WDR59: variants seen among roughly 807,000 people sequenced by gnomAD.
WDR59 encodes the protein GATOR2 complex protein WDR59.
In WDR59, 100 loss-of-function variants were observed where a neutral mutation model predicts 131.2. The observed-to-expected ratio is 0.76, with a 90% CI of 0.65 to 0.90. WDR59 has a LOEUF of 0.90. WDR59 is among the 40% of genes least tolerant of loss of function. The probability of loss-of-function intolerance (pLI) is 0.00; values close to 1 mark genes in which losing one functional copy is unlikely to be tolerated. For missense variants in WDR59, 1,203 were observed against 1,262.2 expected, an observed-to-expected ratio of 0.95 and a Z score of 0.71; for synonymous variants, 601 against 466.2, an observed-to-expected ratio of 1.29 and a Z score of -3.72.
rs192985120 is a variant in WDR59 at position 74,956,641 on chromosome 16, T to C, written c.105-31A>G. ...GACCAACATCAACATTATAATAGTA[T>C]AAAAACACAACATCATTAGCATTAA... On this transcript the variant is annotated intron_variant, in intron 2 of 25. Transcript: ENST00000262144. The C allele has an allele frequency of 1.5e-4, 241 of 1,602,910 alleles. 1 individual carries two copies. The African/African-American group carries it at 2.8e-3, about 19-fold the overall frequency.
intron 6 of WDR59, among the ~76,000 whole-genome samples, chr16:74,943,198 C>T (rs566834535): frequency 2.0e-5 from 3 of 151,566 alleles, no homozygotes; most frequent in Non-Finnish European, 2.9e-5. Flanking sequence ...GACACCTGCT[C>T]GCACTCCTAA....
intron 6 of WDR59, 121 bp downstream of exon 6, chr16:74,948,398 C>G (rs2032782363): frequency 2.1e-6 from 2 of 966,068 alleles, no homozygotes; most frequent in African/African-American, 3.3e-5. Context: ...ACGGCGCAGC[C>G]CAGACAGAGG....
At chr16:74,955,776 A>C (rs1458896848) in intron 3 of WDR59, among the ~76,000 whole-genome samples, 2 of 152,104 alleles carry the variant, frequency 1.3e-5, no homozygotes, top group African/African-American at 4.8e-5. Context: ...ATTCCTTTAA[A>C]TACTCTCCTG....
chr16:74,880,984 A>T (rs1348472570), intron 25 of WDR59, among the ~76,000 whole-genome samples: 4 of 152,274 alleles, frequency 2.6e-5, no homozygotes, highest in Non-Finnish European at 4.4e-5. Context: ...AACGAAATTT[A>T]GGTGAGCAGA....
chr16:74,966,567 C>T (rs2033785319), intron 1 of WDR59, among the ~76,000 whole-genome samples: 1 of 152,148 alleles, frequency 6.6e-6, no homozygotes, highest in African/African-American at 2.4e-5. Context: ...ACAGCAGCTA[C>T]TATGAACAAA....
rs1036380291 is a variant in WDR59, at chr16:74,957,041, T to C, written c.105-431A>G. On this transcript the variant is annotated intron_variant, in intron 2 of 25. Transcript: ENST00000262144. ...AGGCTCTTGTCCTGAATCAACTAAG[T>C]GTTCAGAGAATGAACTATGTCTTGA... 3.9e-5 allele frequency among the ~76,000 whole-genome samples: 6 copies of C among 152,290 alleles called. No homozygotes were observed. The South Asian group carries it at 1.0e-3, about 26-fold the overall frequency.
chr16:74,936,488 G>A (rs1262138233), intron 8 of WDR59, among the ~76,000 whole-genome samples: 1 of 151,994 alleles, frequency 6.6e-6, no homozygotes, highest in East Asian at 1.9e-4. Context: ...GATGGCTTCT[G>A]GTTCCTGAAC....
intron 10 of WDR59, among the ~76,000 whole-genome samples, chr16:74,918,703 T>C (rs1438522956): frequency 6.6e-6 from 1 of 152,234 alleles, no homozygotes; most frequent in Non-Finnish European, 1.5e-5. Context: ...ATGCAGTATC[T>C]AGAATCTCCT....
intron 7 of WDR59, among the ~76,000 whole-genome samples, chr16:74,940,392 A>C (rs1474406129): frequency 6.6e-6 from 1 of 151,730 alleles, no homozygotes; most frequent in Non-Finnish European, 1.5e-5. Context: ...AAAAAAAAAA[A>C]ACAACAACAA....
At chr16:74,984,005 G>A (rs2034526587) in intron 1 of WDR59, among the ~76,000 whole-genome samples, 1 of 151,850 alleles carries the variant, frequency 6.6e-6, no homozygotes. Flanking sequence ...GGCCAGGCAC[G>A]GTGGCCCACG....
chr16:74,981,299 C>G (rs956289109), intron 1 of WDR59, among the ~76,000 whole-genome samples: 12 of 150,988 alleles, frequency 7.9e-5, no homozygotes, highest in Middle Eastern at 6.8e-3. Flanking sequence ...TGCCGTGAAC[C>G]TGGGAGGCAG....
intron 1 of WDR59, among the ~76,000 whole-genome samples, chr16:74,979,430 C>T (rs2034312059): frequency 6.6e-6 from 1 of 151,146 alleles, no homozygotes; most frequent in South Asian, 2.1e-4. Context: ...CGAGCCACTG[C>T]ACTCCAGCCT....
rs759893079 is a variant in WDR59 at position 74,942,817 on chromosome 16, G to A, written c.455C>T (p.Ser152Phe). The change falls in exon 7 of 26, where the codon TCC (serine) becomes TTC (phenylalanine). Residue 152 changes from serine to phenylalanine, a missense_variant. Coordinates refer to ENST00000262144, the MANE Select transcript of WDR59 (RefSeq NM_030581.4). ...ATTTTTTTTATTCCATTTGACCTGG[G>A]AGGCACCCGCTGCAAAGAAAAATCA... ...TVALSAVAGASQVKWNKKNAN... is the reference protein window; with the variant it reads ...TVALSAVAGAFQVKWNKKNAN... 7.5e-5 allele frequency: 121 copies of A among 1,613,324 alleles called. No individual in the cohort carries two copies. The highest frequency in any genetic ancestry group is 1.0e-4 in the Non-Finnish European group (118 of 1,179,784).
chr16:74,910,906 C>G (rs1011265391), intron 14 of WDR59, among the ~76,000 whole-genome samples: 1 of 152,166 alleles, frequency 6.6e-6, no homozygotes, highest in Non-Finnish European at 1.5e-5. Context: ...CTCTGTTGCC[C>G]AGACTGGAGT....
At chr16:74,970,497 A>AG in intron 1 of WDR59, among the ~76,000 whole-genome samples, 1 of 28,442 alleles carries the variant, frequency 3.5e-5, no homozygotes, top group East Asian at 3.6e-3. Flanking sequence ...TCTGTCTCCA[A>AG]AAAAAAAAAA....
intron 1 of WDR59, among the ~76,000 whole-genome samples, chr16:74,966,224 A>C (rs898657499): frequency 2.6e-5 from 4 of 152,142 alleles, no homozygotes; most frequent in Non-Finnish European, 4.4e-5. Flanking sequence ...TCACACCTGT[A>C]ATCCCAGCAC....
At chr16:74,960,701 T>G (rs1383894947) in intron 2 of WDR59, among the ~76,000 whole-genome samples, 1 of 150,384 alleles carries the variant, frequency 6.6e-6, no homozygotes, top group African/African-American at 2.5e-5. Flanking sequence ...TGAGCCAAGT[T>G]TTCATCACTG....
intron 2 of WDR59, chr16:74,963,085 G>C (rs973405583): frequency 6.6e-6 from 1 of 151,884 alleles, no homozygotes; most frequent in African/African-American, 2.4e-5. Context: ...GTGAAACCCC[G>C]TTTCTACTAA....
At chr16:74,890,120 T>C (rs1372169049) in intron 20 of WDR59, among the ~76,000 whole-genome samples, 2 of 152,224 alleles carry the variant, frequency 1.3e-5, no homozygotes, top group Non-Finnish European at 2.9e-5. Context: ...CAGTGGGTCA[T>C]CTACTTAACC....
Sources: gnomAD v4.1 joint callset for allele counts (sites outside exome capture counted in the v4.1 genomes callset) on GRCh38, gnomAD v4.1.1 for gene constraint, MANE v1.5 for transcripts, NCBI Gene and HGNC (gene_info 2026-07-23, HGNC 2026-07-21) for gene names.